Variants in CREB5 observed in about 807,000 individuals in gnomAD.
CREB5 encodes cyclic AMP-responsive element-binding protein 5.
Under a neutral mutation model 57.1 loss-of-function variants are expected in CREB5, and 19 were observed. That is an observed-to-expected ratio of 0.33 (90% CI 0.23 to 0.49). The LOEUF (loss-of-function observed/expected upper bound fraction) is 0.49. Among genes scored for constraint, CREB5 ranks in the 20% least tolerant of loss-of-function variants. CREB5 has a pLI of 0.99. For missense variants in CREB5, 579 were observed against 671.6 expected, an observed-to-expected ratio of 0.86 and a Z score of 1.52; for synonymous variants, 238 against 238.3, an observed-to-expected ratio of 1.00 and a Z score of 0.01.
In CREB5 at chr7:28,465,987, G is replaced by A. The variant is rs182700035; in HGVS notation, c.4-22188G>A. ...AAGTAGTGATTTCACAGGATCTGTA[G>A]CACCTCACTGGGGCAGAAACAGTCA... On this transcript the variant is annotated intron_variant, in intron 1 of 10. Transcript: ENST00000357727. 2.6e-3 allele frequency among the ~76,000 whole-genome samples: 397 copies of A among 152,246 alleles called. 2 individuals carry two copies. The highest frequency in any genetic ancestry group is 0.01 in the Middle Eastern group (3 of 294).
At chr7:28,639,094 T>C (rs1429858003) in intron 5 of CREB5, among the ~76,000 whole-genome samples, 2 of 152,334 alleles carry the variant, frequency 1.3e-5, no homozygotes, top group South Asian at 2.1e-4. Flanking sequence ...TCATGAATGC[T>C]TTGTAGTATT....
chr7:28,724,194 T>C, intron 6 of CREB5, 28 bp from the exon 7 acceptor site: 1 of 1,598,240 alleles, frequency 6.3e-7, no homozygotes, highest in Non-Finnish European at 8.5e-7. Flanking sequence ...TTTGCAGACT[T>C]CTAATTCTTT....
chr7:28,577,756 T>A (rs1023653802), intron 5 of CREB5, among the ~76,000 whole-genome samples: 2 of 152,224 alleles, frequency 1.3e-5, no homozygotes, highest in Non-Finnish European at 2.9e-5. Context: ...TTCTTGAAGT[T>A]CTTTTCAGCA....
intron 1 of CREB5, among the ~76,000 whole-genome samples, chr7:28,330,401 C>CTTTTTTTT (rs10699932): frequency 5.1e-4 from 45 of 88,492 alleles, no homozygotes; most frequent in East Asian, 9.4e-4. Context: ...GAGAACCTTA[C>CTTTTTTTT]TTTTTTTTTT....
rs1809957809 is a variant in CREB5, at chr7:28,824,529, C to T, written c.*5250C>T. 1 of 152,550 alleles carries T rather than the reference C, an allele frequency of 6.6e-6. No homozygotes were observed. The highest frequency in any genetic ancestry group is 1.5e-5 in the Non-Finnish European group (1 of 68,036). 9.4% of individuals were successfully genotyped at this position (152,550 alleles called of 1,614,324 possible). On this transcript the variant is annotated 3_prime_UTR_variant, in exon 11 of 11. Transcript: ENST00000357727. Reference sequence around the variant, plus strand: ...AGCACCTCTATTTCACAATTATAATCTAAGGTAGGATAAGACGACACAGCA... The same window carrying T: ...AGCACCTCTATTTCACAATTATAATTTAAGGTAGGATAAGACGACACAGCA...
rs56036202 is a variant in CREB5 at position 28,433,857 on chromosome 7, C to T, written c.3+20940C>T. Among the ~76,000 whole-genome samples the T allele has an allele frequency of 9.8e-3, 1,489 of 151,734 alleles. 15 individuals carry two copies. Among genetic ancestry groups the T allele is most frequent in the Non-Finnish European group, 0.017 (1,123 of 67,918 alleles). ...CTGTAGCTTCAGTTATAATCTTCCTCATATTTTTTCTGTTTTCCTCTTTCG... is the reference window on the plus strand; with the variant it reads ...CTGTAGCTTCAGTTATAATCTTCCTTATATTTTTTCTGTTTTCCTCTTTCG... On this transcript the variant is annotated intron_variant, in intron 1 of 10. Transcript: ENST00000357727.
chr7:28,596,993 G>C (rs7789923), intron 5 of CREB5, among the ~76,000 whole-genome samples: 20,489 of 152,144 alleles, frequency 0.13, 1,923 homozygotes, highest in African/African-American at 0.25. Context: ...CCAAGCCCAT[G>C]ATTTGGAATG....
intron 5 of CREB5, among the ~76,000 whole-genome samples, chr7:28,580,558 G>GGTGTGTGT (rs371277784): frequency 0.093 from 11,520 of 124,236 alleles, 536 homozygotes; most frequent in Non-Finnish European, 0.1. Context: ...TTGGCAAATT[G>GGTGTGTGT]GTGTGTGTGT....
chr7:28,376,821 G>A (rs994983484), intron 1 of CREB5, among the ~76,000 whole-genome samples: 1 of 152,162 alleles, frequency 6.6e-6, no homozygotes, highest in African/African-American at 2.4e-5. Flanking sequence ...GAAGAAGCTG[G>A]GGCAAATTGG....
At chr7:28,428,922 C>A (rs1019185268) in intron 1 of CREB5, among the ~76,000 whole-genome samples, 5 of 152,318 alleles carry the variant, frequency 3.3e-5, no homozygotes, top group Non-Finnish European at 7.3e-5. Flanking sequence ...TCTGCCTAGA[C>A]CATCCAAGCT....
intron 1 of CREB5, among the ~76,000 whole-genome samples, chr7:28,302,604 T>C (rs1785115652): frequency 6.6e-6 from 1 of 152,188 alleles, no homozygotes; most frequent in African/African-American, 2.4e-5. Context: ...TCTTCCAAAG[T>C]CCCAGAAAGG....
chr7:28,737,521 A>G (rs1369334976), intron 7 of CREB5, among the ~76,000 whole-genome samples: 13 of 126,584 alleles, frequency 1.0e-4, no homozygotes, highest in African/African-American at 1.5e-4. Context: ...GTGTGTGTGT[A>G]TATATGTATA....
chr7:28,473,879 C>A (rs560980416), intron 1 of CREB5, among the ~76,000 whole-genome samples: 2 of 152,198 alleles, frequency 1.3e-5, no homozygotes, highest in Non-Finnish European at 2.9e-5. Flanking sequence ...CTCCCTTGTA[C>A]TTTGAAGATT....
intron 1 of CREB5, among the ~76,000 whole-genome samples, chr7:28,301,041 G>A (rs1755099245): frequency 6.6e-6 from 1 of 152,114 alleles, no homozygotes; most frequent in South Asian, 2.1e-4. Context: ...TGATTTAATT[G>A]GTTCACAGTA....
At chr7:28,628,020 G>A (rs903446419) in intron 5 of CREB5, among the ~76,000 whole-genome samples, 2 of 152,088 alleles carry the variant, frequency 1.3e-5, no homozygotes. Context: ...TCACGCAGCA[G>A]TAATGCCTCT....
At chr7:28,724,588 A>G (rs1378070362) in intron 7 of CREB5, 8 of 435,522 alleles carry the variant, frequency 1.8e-5, no homozygotes, top group South Asian at 5.3e-5. Context: ...AGATCCATAC[A>G]AGTTGGGGTA....
intron 4 of CREB5, among the ~76,000 whole-genome samples, chr7:28,548,519 C>T (rs985442878): frequency 6.6e-6 from 1 of 152,130 alleles, no homozygotes; most frequent in African/African-American, 2.4e-5. Context: ...GGCATTAGGG[C>T]ATTGATGGGG....
At chr7:28,734,210 A>C (rs1803838727) in intron 7 of CREB5, among the ~76,000 whole-genome samples, 1 of 81,412 alleles carries the variant, frequency 1.2e-5, no homozygotes, top group South Asian at 4.5e-4. Flanking sequence ...GTAGTTCAAA[A>C]AAAAAAAAAA....
chr7:28,618,000 C>T (rs541087540), intron 5 of CREB5, among the ~76,000 whole-genome samples: 2 of 152,112 alleles, frequency 1.3e-5, no homozygotes, highest in African/African-American at 2.4e-5. Flanking sequence ...ACTTTGAAAG[C>T]GCTGCATTAA....
Sources: gnomAD v4.1 joint callset for allele counts (sites outside exome capture counted in the v4.1 genomes callset) on GRCh38, gnomAD v4.1.1 for gene constraint, MANE v1.5 for transcripts, NCBI Gene and HGNC (gene_info 2026-07-23, HGNC 2026-07-21) for gene names.